Variants in SPAG16 observed in about 807,000 individuals in gnomAD.
SPAG16 encodes the protein sperm associated antigen 16, also known as sperm-associated antigen 16 protein.
Under a neutral mutation model 80.4 loss-of-function variants are expected in SPAG16, and 86 were observed. That is an observed-to-expected ratio of 1.07 (90% CI 0.90 to 1.28). The LOEUF (loss-of-function observed/expected upper bound fraction) is 1.28. Ranked by LOEUF, SPAG16 falls within the 50% of genes most tolerant of loss-of-function variation. SPAG16 has a pLI of 0.00. For synonymous variants in SPAG16, 294 were observed against 265.9 expected (o/e 1.11, Z -1.03); for missense variants, 870 against 765.3 (o/e 1.14, Z -1.61).
At chr2:214,125,697 C>T (rs1019281154) in intron 14 of SPAG16, among the ~76,000 whole-genome samples, 6 of 151,574 alleles carry the variant, frequency 4.0e-5, no homozygotes, top group African/African-American at 1.5e-4. Flanking sequence ...ATATGAAGTA[C>T]AGGAAGAAAG....
chr2:214,168,530 T>C (rs1223948140), intron 15 of SPAG16, among the ~76,000 whole-genome samples: 1 of 151,818 alleles, frequency 6.6e-6, no homozygotes, highest in East Asian at 1.9e-4. Flanking sequence ...CATTCATAAA[T>C]GGTATAAGCA....
At chr2:214,072,633 T>C (rs947531511) in intron 13 of SPAG16, among the ~76,000 whole-genome samples, 1 of 152,118 alleles carries the variant, frequency 6.6e-6, no homozygotes, top group Admixed American at 6.6e-5. Flanking sequence ...ATGTAGGTGT[T>C]TGATAAAAAT....
intron 14 of SPAG16, among the ~76,000 whole-genome samples, chr2:214,123,546 T>G (rs1010650738): frequency 2.6e-5 from 4 of 151,880 alleles, no homozygotes; most frequent in Non-Finnish European, 5.9e-5. Flanking sequence ...ATAGTGAGAG[T>G]TCAGCAATGA....
intron 15 of SPAG16, among the ~76,000 whole-genome samples, chr2:214,216,244 A>G (rs957335378): frequency 2.6e-5 from 4 of 152,206 alleles, no homozygotes; most frequent in Non-Finnish European, 5.9e-5. Flanking sequence ...ATAATGAATG[A>G]AAAAGTACTG....
intron 15 of SPAG16, among the ~76,000 whole-genome samples, chr2:214,398,617 G>C (rs1701533809): frequency 6.6e-6 from 1 of 152,142 alleles, no homozygotes; most frequent in Non-Finnish European, 1.5e-5. Context: ...ATCACATGTT[G>C]CTTTAAATTT....
chr2:213,552,171 G>A (rs2076798039), intron 10 of SPAG16, among the ~76,000 whole-genome samples: 1 of 152,098 alleles, frequency 6.6e-6, no homozygotes. Context: ...AGCTAGTTTA[G>A]CCATTCTTAT....
intron 14 of SPAG16, among the ~76,000 whole-genome samples, chr2:214,148,558 A>G (rs891228559): frequency 1.3e-5 from 2 of 152,176 alleles, no homozygotes; most frequent in South Asian, 2.1e-4. Context: ...ATTGCCATCA[A>G]CTTCACCTGG....
chr2:214,362,599 T>A (rs1699251708), intron 15 of SPAG16, among the ~76,000 whole-genome samples: 1 of 151,832 alleles, frequency 6.6e-6, no homozygotes, highest in Admixed American at 6.6e-5. Flanking sequence ...TGTTTCCTCC[T>A]CACTGTGGCT....
At chr2:213,963,473 T>C (rs1310053439) in intron 12 of SPAG16, among the ~76,000 whole-genome samples, 3 of 152,186 alleles carry the variant, frequency 2.0e-5, no homozygotes, top group Non-Finnish European at 4.4e-5. Context: ...ACGATTTATC[T>C]TGGAAAATGA....
chr2:213,967,150 C>T (rs139678809), intron 12 of SPAG16, among the ~76,000 whole-genome samples: 2 of 152,094 alleles, frequency 1.3e-5, no homozygotes, highest in African/African-American at 4.8e-5. Context: ...TTCAATATAC[C>T]TTATATAGTT....
intron 11 of SPAG16, among the ~76,000 whole-genome samples, chr2:213,928,817 A>G (rs573910855): frequency 6.6e-6 from 1 of 152,136 alleles, no homozygotes; most frequent in Non-Finnish European, 1.5e-5. Context: ...GGTGAGAGAA[A>G]GTACCTAAGA....
intron 9 of SPAG16, among the ~76,000 whole-genome samples, chr2:213,427,701 A>T (rs1459445715): frequency 6.6e-6 from 1 of 152,214 alleles, no homozygotes; most frequent in African/African-American, 2.4e-5. Flanking sequence ...GAAAGCAAAG[A>T]CAGCAAGGAC....
chr2:213,567,165 C>CTTTT (rs531916197), intron 10 of SPAG16, among the ~76,000 whole-genome samples: 3 of 94,900 alleles, frequency 3.2e-5, no homozygotes, highest in African/African-American at 7.8e-5. Flanking sequence ...AACACAGATT[C>CTTTT]TTTTTTTTTT....
intron 6 of SPAG16, among the ~76,000 whole-genome samples, chr2:213,343,677 G>GA (rs1000530974): frequency 2.0e-5 from 3 of 151,736 alleles, no homozygotes; most frequent in Non-Finnish European, 4.4e-5. Flanking sequence ...TTTGAGAACT[G>GA]AAAAAAACAT....
chr2:213,401,348 C>T (rs1004286173), intron 9 of SPAG16, among the ~76,000 whole-genome samples: 1 of 152,140 alleles, frequency 6.6e-6, no homozygotes, highest in South Asian at 2.1e-4. Context: ...TTTTATGTTC[C>T]CATGTCTACT....
At chr2:214,031,060 TC>T (rs1248635042) in intron 13 of SPAG16, among the ~76,000 whole-genome samples, 3 of 152,170 alleles carry the variant, frequency 2.0e-5, no homozygotes, top group Admixed American at 1.3e-4. Context: ...CTCTGTTTTT[TC>T]CCCATCTTTG....
chr2:213,867,926 C>CA (rs35795865), intron 11 of SPAG16, among the ~76,000 whole-genome samples: 15,165 of 45,916 alleles, frequency 0.33, 2,334 homozygotes, highest in East Asian at 0.51. Context: ...TCTGTCTCAA[C>CA]AAAAAAAAAA....
At position 214,410,447 on chromosome 2, in the gene SPAG16, G is replaced by T; in HGVS notation, c.*132G>T. On this transcript the variant is annotated 3_prime_UTR_variant, in exon 16 of 16. Coordinates refer to ENST00000331683, the MANE Select transcript of SPAG16 (RefSeq NM_024532.5). ...TACAGTCTGCTTTAAAACATGCTTT[G>T]GACATATATTTTAGTGCTCATACTG... is the stretch of plus-strand genomic sequence containing the variant. The T allele has an allele frequency of 1.2e-6, 1 of 802,306 alleles. No individual in the cohort carries two copies. The highest frequency in any genetic ancestry group is 2.7e-5 in the East Asian group (1 of 37,392). The allele number at this position is 802,306 out of a possible 1,614,324, so 49.7% of individuals were successfully genotyped here.
At chr2:213,972,668 T>A (rs2045138404) in intron 12 of SPAG16, among the ~76,000 whole-genome samples, 1 of 152,206 alleles carries the variant, frequency 6.6e-6, no homozygotes, top group African/African-American at 2.4e-5. Flanking sequence ...TTGTCAGCTA[T>A]CTGGGTATCT....
Sources: allele counts gnomAD v4.1 joint callset (sites outside exome capture counted in the v4.1 genomes callset), GRCh38; gene constraint gnomAD v4.1.1; transcripts MANE v1.5; gene names NCBI Gene and HGNC (gene_info 2026-07-23, HGNC 2026-07-21).